PKHD1: variants seen among roughly 807,000 people sequenced by gnomAD.
The protein encoded by PKHD1 is fibrocystin.
Under a neutral mutation model 412.0 loss-of-function variants are expected in PKHD1, and 291 were observed. The ratio of observed to expected loss-of-function variants is 0.71; its 90% confidence interval spans 0.64 to 0.78. The LOEUF (loss-of-function observed/expected upper bound fraction) is 0.78. Among genes scored for constraint, PKHD1 ranks in the 30% least tolerant of loss-of-function variants. PKHD1 has a pLI of 0.00. For missense variants in PKHD1, 4,825 were observed against 4,950.7 expected (o/e 0.97, Z 0.76); for synonymous variants, 1,777 against 1,821.5 (o/e 0.98, Z 0.62).
chr6:51,867,829 C>T (rs781724869), intron 48 of PKHD1, 34 bp downstream of exon 48: 71 of 1,600,830 alleles, frequency 4.4e-5, no homozygotes, highest in Non-Finnish European at 5.8e-5. Context: ...GCATGCCCAT[C>T]GGCAAGCTAA....
intron 50 of PKHD1, among the ~76,000 whole-genome samples, chr6:51,847,145 G>A (rs1427886076): frequency 6.6e-6 from 1 of 151,784 alleles, no homozygotes; most frequent in Non-Finnish European, 1.5e-5. Context: ...ATTTTTTGTA[G>A]AGATTAGGTC....
chr6:51,908,237 GC>G (rs1782423252), intron 40 of PKHD1, among the ~76,000 whole-genome samples: 1 of 152,248 alleles, frequency 6.6e-6, no homozygotes, highest in East Asian at 1.9e-4. Flanking sequence ...TCCTTAGCAT[GC>G]AGATAATTTG....
intron 52 of PKHD1, among the ~76,000 whole-genome samples, chr6:51,814,776 C>A (rs1765192897): frequency 6.6e-6 from 1 of 152,130 alleles, no homozygotes; most frequent in South Asian, 2.1e-4. Flanking sequence ...GCCACCGGCT[C>A]ACCAGGGGAG....
chr6:51,762,617 T>C (rs1298198989), intron 55 of PKHD1, among the ~76,000 whole-genome samples: 1 of 151,376 alleles, frequency 6.6e-6, no homozygotes, highest in Non-Finnish European at 1.5e-5. Flanking sequence ...ATGAAACTTT[T>C]CCTCCGAAGT....
intron 37 of PKHD1, among the ~76,000 whole-genome samples, chr6:51,916,271 G>A (rs909317942): frequency 6.6e-6 from 1 of 152,080 alleles, no homozygotes; most frequent in Non-Finnish European, 1.5e-5. Context: ...ATACCCAAGT[G>A]AGTATATAAT....
rs909140528 is a variant in PKHD1 at position 51,617,885 on chromosome 6, C to A, written c.*1196G>T. On this transcript the variant is annotated 3_prime_UTR_variant, in exon 67 of 67. Coordinates refer to ENST00000371117, the MANE Select transcript of PKHD1 (RefSeq NM_138694.4). ...TTAACATTGTAGAGATTGGAAAATCCTGGTTTTCAGGATTTTCAGGAAAAT... is the reference window on the plus strand; with the variant it reads ...TTAACATTGTAGAGATTGGAAAATCATGGTTTTCAGGATTTTCAGGAAAAT... 2.0e-5 allele frequency: 3 copies of A among 152,052 alleles called. No individual in the cohort carries two copies. The highest frequency in any genetic ancestry group is 4.4e-5 in the Non-Finnish European group (3 of 68,024). The allele number at this position is 152,052 out of a possible 1,614,324, so 9.4% of individuals were successfully genotyped here.
chr6:51,871,773 C>A (rs1345378183), intron 46 of PKHD1, among the ~76,000 whole-genome samples: 1 of 118,924 alleles, frequency 8.4e-6, no homozygotes, highest in Non-Finnish European at 2.1e-5. Flanking sequence ...TCCAATCAAG[C>A]TGCTAGTGCC....
chr6:51,764,075 T>C (rs1788515927), intron 55 of PKHD1, among the ~76,000 whole-genome samples: 1 of 149,202 alleles, frequency 6.7e-6, no homozygotes, highest in South Asian at 2.2e-4. Context: ...GCATTAGGTA[T>C]ATCTCCCAAT....
chr6:51,651,038 G>A (rs952769680), intron 61 of PKHD1, among the ~76,000 whole-genome samples: 33 of 152,030 alleles, frequency 2.2e-4, no homozygotes, highest in African/African-American at 7.5e-4. Context: ...AAGCAGTCTG[G>A]GTTAAAGAGA....
intron 64 of PKHD1, among the ~76,000 whole-genome samples, chr6:51,637,501 A>G (rs561477519): frequency 6.6e-6 from 1 of 152,346 alleles, no homozygotes; most frequent in Admixed American, 6.5e-5. Flanking sequence ...ATTAATGAAG[A>G]AACCAGGAAG....
rs777532438 is a variant in PKHD1, at chr6:51,659,716, T to C, written c.10410A>G (p.Lys3470=). 6.2e-7 allele frequency: 1 copy of C among 1,613,860 alleles called. No individual in the cohort carries two copies. Among genetic ancestry groups the C allele is most frequent in the Non-Finnish European group, 8.5e-7 (1 of 1,179,886 alleles). Residue 3470 remains lysine (K), a synonymous_variant, in exon 61 of 67, where the codon AAA becomes AAG. Transcript: ENST00000371117. ...GAGGAGTTTGATCCATGAAGCAGAC[T>C]TTGGTGATTTGCCTGATGGGTAAGA... ...YSILPIRQIT[K]VCFMDQTPQV...
chr6:51,880,778 T>TAAAAAAAAAAA (rs1777137313), intron 46 of PKHD1, among the ~76,000 whole-genome samples: 1 of 10,542 alleles, frequency 9.5e-5, no homozygotes, highest in African/African-American at 6.4e-4. Flanking sequence ...AAAAAAAAAA[T>TAAAAAAAAAAA]TAAAAAAAAA....
At chr6:51,755,087 C>T (rs1406636157) in intron 55 of PKHD1, 149 bp from the exon 56 acceptor site, 2 of 745,078 alleles carry the variant, frequency 2.7e-6, no homozygotes, top group African/African-American at 3.5e-5. Context: ...TGGAAAAAGG[C>T]TTTCGCAAAC....
At chr6:51,781,792 T>A (rs1792057811) in intron 53 of PKHD1, among the ~76,000 whole-genome samples, 1 of 151,984 alleles carries the variant, frequency 6.6e-6, no homozygotes, top group Non-Finnish European at 1.5e-5. Context: ...CTTAAAAAAA[T>A]AAGGCAAGCT....
chr6:51,618,483 A>C lies in PKHD1; in HGVS notation c.*598T>G, dbSNP rs1766242804. The stretch of plus-strand genomic sequence containing the variant: ...TGAAGTGCAAATTTGATACGCTCAC[A>C]CTACTGTAGGTTCTCAATAATGATT... On this transcript the variant is annotated 3_prime_UTR_variant, in exon 67 of 67. Transcript: ENST00000371117. The C allele has an allele frequency of 6.3e-6, 1 of 159,390 alleles. No individual in the cohort carries two copies. The highest frequency in any genetic ancestry group is 1.4e-5 in the Non-Finnish European group (1 of 71,784). 9.9% of individuals were successfully genotyped at this position (159,390 alleles called of 1,614,324 possible).
At chr6:52,052,712 G>A (rs1323791063) in intron 21 of PKHD1, among the ~76,000 whole-genome samples, 3 of 152,150 alleles carry the variant, frequency 2.0e-5, no homozygotes, top group African/African-American at 7.2e-5. Flanking sequence ...GACAAGACCA[G>A]TAAGGAGTAC....
intron 60 of PKHD1, among the ~76,000 whole-genome samples, chr6:51,738,835 T>G (rs1428186781): frequency 6.6e-6 from 1 of 151,948 alleles, no homozygotes; most frequent in Non-Finnish European, 1.5e-5. Context: ...GTCTCCTCCC[T>G]CTGCTCAGGG....
chr6:51,814,463 C>T (rs1298274207), intron 52 of PKHD1, among the ~76,000 whole-genome samples: 3 of 152,180 alleles, frequency 2.0e-5, no homozygotes, highest in Non-Finnish European at 4.4e-5. Context: ...AAAACAGGTG[C>T]ATCCACACTA....
intron 34 of PKHD1, among the ~76,000 whole-genome samples, chr6:52,015,029 A>C (rs1015885499): frequency 3.3e-5 from 5 of 152,180 alleles, no homozygotes; most frequent in African/African-American, 1.2e-4. Context: ...TCTTGGATAC[A>C]TCTTTCCAGC....
Sources: gnomAD v4.1 joint callset for allele counts (sites outside exome capture counted in the v4.1 genomes callset) on GRCh38, gnomAD v4.1.1 for gene constraint, MANE v1.5 for transcripts, NCBI Gene and HGNC (gene_info 2026-07-23, HGNC 2026-07-21) for gene names.